The following IL1RAPL1 variants were observed in gnomAD, a reference collection of about 807,000 sequenced individuals.
IL1RAPL1 encodes the protein interleukin-1 receptor accessory protein-like 1.
A neutral mutation model predicts 48.4 loss-of-function variants in IL1RAPL1; 3 were observed. That is an observed-to-expected ratio of 0.06 (90% CI 0.03 to 0.16). The LOEUF (loss-of-function observed/expected upper bound fraction) is 0.16, where lower values mean the gene tolerates loss of function less well. Among genes scored for constraint, IL1RAPL1 ranks in the 10% least tolerant of loss-of-function variants. The pLI is 1.00. For synonymous variants in IL1RAPL1, 185 were observed against 187.7 expected, an observed-to-expected ratio of 0.99 and a Z score of 0.12; for missense variants, 349 against 530.6, an observed-to-expected ratio of 0.66 and a Z score of 3.36.
At chrX:29,757,896 T>C (rs1928657598) in intron 6 of IL1RAPL1, among the ~76,000 whole-genome samples, 1 of 111,688 alleles carries the variant, frequency 9.0e-6, no homozygotes. Context: ...TAGCATCTTA[T>C]AGACGGAGGA....
intron 1 of IL1RAPL1, among the ~76,000 whole-genome samples, chrX:28,674,826 G>A (rs951989228): frequency 1.1e-4 from 12 of 111,453 alleles, no homozygotes; most frequent in African/African-American, 3.6e-4. Context: ...ACGAATAATT[G>A]GATTTTTAGA....
At chrX:29,300,718 A>T (rs1932520589) in intron 3 of IL1RAPL1, among the ~76,000 whole-genome samples, 1 of 112,142 alleles carries the variant, frequency 8.9e-6, no homozygotes, top group South Asian at 3.7e-4. Context: ...AAAGAATAAA[A>T]ATGTTGTTCT....
chrX:28,605,084 G>A (rs1934068256), intron 1 of IL1RAPL1, among the ~76,000 whole-genome samples: 1 of 111,426 alleles, frequency 9.0e-6, no homozygotes, highest in African/African-American at 3.3e-5. Flanking sequence ...TCTTTGCTGG[G>A]AAAATGCTCC....
intron 6 of IL1RAPL1, among the ~76,000 whole-genome samples, chrX:29,872,880 T>C (rs1931826626): frequency 2.7e-5 from 3 of 112,606 alleles, no homozygotes; most frequent in South Asian, 7.3e-4. Context: ...ATAAGTTTAG[T>C]TTAAAATAAA....
At chrX:28,664,296 T>G (rs1220380055) in intron 1 of IL1RAPL1, among the ~76,000 whole-genome samples, 3 of 112,464 alleles carry the variant, frequency 2.7e-5, no homozygotes, top group African/African-American at 9.7e-5. Flanking sequence ...TCTTTAAAAT[T>G]TTTTTGAACA....
intron 5 of IL1RAPL1, among the ~76,000 whole-genome samples, chrX:29,528,665 G>T (rs1346974191): frequency 8.9e-6 from 1 of 112,114 alleles, no homozygotes; most frequent in Non-Finnish European, 1.9e-5. Context: ...GGAAGGGCTT[G>T]GCCCCTTTGA....
intron 2 of IL1RAPL1, among the ~76,000 whole-genome samples, chrX:29,162,466 G>T (rs1602089299): frequency 9.1e-6 from 1 of 110,448 alleles, no homozygotes; most frequent in South Asian, 3.8e-4. Context: ...AAGTATTTTT[G>T]TTCATGCAAT....
intron 5 of IL1RAPL1, among the ~76,000 whole-genome samples, chrX:29,564,768 C>T (rs1219114805): frequency 1.8e-5 from 2 of 112,766 alleles, no homozygotes; most frequent in Non-Finnish European, 3.8e-5. Context: ...ATATTAATTT[C>T]CTATTGTTGT....
intron 6 of IL1RAPL1, among the ~76,000 whole-genome samples, chrX:29,880,932 T>A (rs1004248272): frequency 1.8e-5 from 2 of 111,578 alleles, no homozygotes; most frequent in East Asian, 5.6e-4. Flanking sequence ...AGAGTCATTA[T>A]GTATGGGAGA....
Position 29,920,086 on chromosome X carries a change from A to G in IL1RAPL1, c.1049A>G (p.His350Arg). 4 of 1,211,868 alleles carry G rather than the reference A, an allele frequency of 3.3e-6. No homozygotes were observed. Among genetic ancestry groups the G allele is most frequent in the Non-Finnish European group, 3.4e-6 (3 of 895,442 alleles). The change falls in exon 8 of 11, where the codon CAT becomes CGT. Residue 350 changes from histidine to arginine, a missense_variant. Physicochemically the swap from His to Arg is conservative, Grantham distance 29. Coordinates refer to ENST00000378993, the MANE Select transcript of IL1RAPL1 (RefSeq NM_014271.4). ...NGRRHASVLL[H>R]KRELMYTVEL... ...CGTCGACACGCCAGCGTTCTCCTTC[A>G]TAAACGAGGTGAGTGTAACCTTCTA...
At chrX:29,676,930 T>A (rs1601774449) in intron 6 of IL1RAPL1, among the ~76,000 whole-genome samples, 3 of 112,243 alleles carry the variant, frequency 2.7e-5, no homozygotes, top group African/African-American at 9.7e-5. Flanking sequence ...ACAGTCAGTA[T>A]TGTATGTTAA....
At chrX:29,185,986 T>C (rs1930244296) in intron 2 of IL1RAPL1, among the ~76,000 whole-genome samples, 1 of 111,843 alleles carries the variant, frequency 8.9e-6, no homozygotes, top group East Asian at 2.8e-4. Flanking sequence ...CAAATAGTTT[T>C]AGTTTTACTT....
intron 2 of IL1RAPL1, among the ~76,000 whole-genome samples, chrX:28,810,488 A>G (rs1020476571): frequency 3.6e-5 from 4 of 111,055 alleles, no homozygotes; most frequent in Admixed American, 1.9e-4. Flanking sequence ...CACAGGTATA[A>G]CTATCAATAA....
intron 2 of IL1RAPL1, among the ~76,000 whole-genome samples, chrX:29,030,619 G>A (rs764861368): frequency 4.5e-5 from 5 of 111,319 alleles, no homozygotes; most frequent in African/African-American, 1.3e-4. Flanking sequence ...TTGACATTTC[G>A]AATTTTGAAT....
At chrX:29,834,680 T>A (rs1356267071) in intron 6 of IL1RAPL1, among the ~76,000 whole-genome samples, 2 of 110,894 alleles carry the variant, frequency 1.8e-5, no homozygotes, top group African/African-American at 6.5e-5. Context: ...GAATTACAAA[T>A]ACATCAATGT....
intron 6 of IL1RAPL1, among the ~76,000 whole-genome samples, chrX:29,800,298 C>T (rs1445405101): frequency 9.0e-6 from 1 of 110,858 alleles, no homozygotes; most frequent in Non-Finnish European, 1.9e-5. Context: ...CTAGATGCTA[C>T]CAACACCAAC....
chrX:29,394,986 C>T (rs1423890093), intron 3 of IL1RAPL1, among the ~76,000 whole-genome samples: 2 of 112,000 alleles, frequency 1.8e-5, no homozygotes, highest in African/African-American at 6.5e-5. Context: ...AAGCAAGAAT[C>T]TAAATAAGGG....
At chrX:29,005,606 C>T (rs1331011089) in intron 2 of IL1RAPL1, among the ~76,000 whole-genome samples, 1 of 111,507 alleles carries the variant, frequency 9.0e-6, no homozygotes, top group Non-Finnish European at 1.9e-5. Flanking sequence ...ACTTTTAAAA[C>T]CTATTGACTA....
At chrX:28,801,107 C>T (rs781178576) in intron 2 of IL1RAPL1, among the ~76,000 whole-genome samples, 39 of 109,995 alleles carry the variant, frequency 3.5e-4, no homozygotes, top group Admixed American at 1.3e-3. Flanking sequence ...GTCTCGAACT[C>T]CTGACCTCGT....
Sources: allele counts gnomAD v4.1 joint callset (sites outside exome capture counted in the v4.1 genomes callset), GRCh38; gene constraint gnomAD v4.1.1; transcripts MANE v1.5; gene names NCBI Gene and HGNC (gene_info 2026-07-23, HGNC 2026-07-21).